The following TRAK1 variants were observed in gnomAD, a reference collection of about 807,000 sequenced individuals.
The protein encoded by TRAK1 is trafficking kinesin-binding protein 1.
Under a neutral mutation model 92.1 loss-of-function variants are expected in TRAK1, and 33 were observed. The observed-to-expected ratio is 0.36, with a 90% CI of 0.27 to 0.48. TRAK1 has a LOEUF of 0.48. Among genes scored for constraint, TRAK1 ranks in the 20% least tolerant of loss-of-function variants. The probability of loss-of-function intolerance (pLI) is 0.99; values close to 1 mark genes in which losing one functional copy is unlikely to be tolerated. For synonymous variants in TRAK1, 521 were observed against 517.3 expected (o/e 1.01, Z -0.10); for missense variants, 1,123 against 1,257.9 (o/e 0.89, Z 1.62).
rs544201268 is a variant in TRAK1 at position 42,078,008 on chromosome 3, C to G, written c.-518-9096C>G. 4.6e-5 allele frequency among the ~76,000 whole-genome samples: 7 copies of G among 152,330 alleles called. No homozygotes were observed. The South Asian group carries it at 1.4e-3, about 32-fold the overall frequency. On this transcript the variant is annotated intron_variant, in intron 1 of 16. Coordinates refer to the TRAK1 transcript ENST00000487159. ...GCAGTTTGACAAGTGGGTGGTGGCA[C>G]CACGTTTTGTAGACGAAAGAAATTT...
At chr3:42,064,098 A>G (rs1703570244) in intron 1 of TRAK1, among the ~76,000 whole-genome samples, 1 of 152,162 alleles carries the variant, frequency 6.6e-6, no homozygotes, top group Non-Finnish European at 1.5e-5. Context: ...CCCAGCCCTT[A>G]TTACTATCTG....
At chr3:42,026,104 C>G (rs1161021886) in intron 1 of TRAK1, among the ~76,000 whole-genome samples, 1 of 152,042 alleles carries the variant, frequency 6.6e-6, no homozygotes. Context: ...CCCTGTCTCT[C>G]CCTCCATCCC....
chr3:42,224,097 A>T lies in TRAK1; in HGVS notation c.*360A>T, dbSNP rs1407177149. On this transcript the variant is annotated 3_prime_UTR_variant, in exon 16 of 16. Coordinates refer to ENST00000327628, the MANE Select transcript of TRAK1 (RefSeq NM_001042646.3). ...TCCCAAGTGTGTTCTTATCCCATGGATAGGAAACCAGTGAATTCCGTGGCT... is the reference window on the plus strand; with the variant it reads ...TCCCAAGTGTGTTCTTATCCCATGGTTAGGAAACCAGTGAATTCCGTGGCT... 2.1e-6 allele frequency: 1 copy of T among 471,504 alleles called. No homozygotes were observed. Among genetic ancestry groups the T allele is most frequent in the Non-Finnish European group, 4.2e-6 (1 of 237,606 alleles). The allele number at this position is 471,504 out of a possible 1,614,324, so 29.2% of individuals were successfully genotyped here. A position where few individuals can be genotyped will look rare whatever the true frequency, so the allele number is the denominator to read the frequency against.
intron 1 of TRAK1, among the ~76,000 whole-genome samples, chr3:42,125,091 A>G (rs1251272330): frequency 1.3e-5 from 2 of 152,222 alleles, no homozygotes; most frequent in Non-Finnish European, 2.9e-5. Context: ...GCTGACATGT[A>G]GAACGCTTGA....
chr3:42,104,710 G>T (rs1423538465), intron 1 of TRAK1, among the ~76,000 whole-genome samples: 3 of 152,142 alleles, frequency 2.0e-5, no homozygotes, highest in African/African-American at 4.8e-5. Context: ...CATCATCAAA[G>T]ACCAAAGGTA....
At chr3:42,219,466 G>A (rs1437890571) in intron 14 of TRAK1, 28 bp from the exon 15 acceptor site, 4 of 1,613,852 alleles carry the variant, frequency 2.5e-6, no homozygotes, top group African/African-American at 2.7e-5. Flanking sequence ...TTGGATGCAA[G>A]GAATATGTTT....
At chr3:42,221,998 A>G (rs944539015) in intron 15 of TRAK1, 3 of 129,012 alleles carry the variant, frequency 2.3e-5, no homozygotes, top group Non-Finnish European at 5.4e-5. Context: ...AAGTAATTGC[A>G]ATTATAAAAA....
Position 42,224,885 on chromosome 3 carries a change from C to CA in TRAK1, c.*1149dup, listed in dbSNP as rs1385513782. The CA allele has an allele frequency of 6.6e-6, 1 of 152,196 alleles. No individual in the cohort carries two copies. The highest frequency in any genetic ancestry group is 2.1e-4 in the South Asian group (1 of 4,822). 9.4% of individuals were successfully genotyped at this position (152,196 alleles called of 1,614,324 possible). On this transcript the variant is annotated 3_prime_UTR_variant, in exon 16 of 16. Coordinates refer to ENST00000327628, the MANE Select transcript of TRAK1 (RefSeq NM_001042646.3). ...TCTTTGATTGCAGCCATTCAATGCCCACATGCTTTTCCTTCTTGTTTCAGA... is the reference window on the plus strand; with the variant it reads ...TCTTTGATTGCAGCCATTCAATGCCCAACATGCTTTTCCTTCTTGTTTCAGA...
intron 1 of TRAK1, among the ~76,000 whole-genome samples, chr3:42,020,656 T>A (rs1287613573): frequency 2.6e-5 from 4 of 152,208 alleles, no homozygotes; most frequent in Non-Finnish European, 4.4e-5. Context: ...CAGGAGTGGA[T>A]CATTGGGTCA....
At chr3:42,084,563 C>A (rs1297547581), upstream of TRAK1, among the ~76,000 whole-genome samples, 2 of 152,218 alleles carry the variant, frequency 1.3e-5, no homozygotes, top group Admixed American at 6.5e-5. Flanking sequence ...CCCCCTTGGG[C>A]CCCACTGGGG....
chr3:42,022,387 T>C (rs571626904), intron 1 of TRAK1, among the ~76,000 whole-genome samples: 1 of 152,220 alleles, frequency 6.6e-6, no homozygotes, highest in Non-Finnish European at 1.5e-5. Context: ...CTGCAGTAGA[T>C]GTTTTATACT....
intron 2 of TRAK1, among the ~76,000 whole-genome samples, chr3:42,169,501 A>G (rs1702279539): frequency 1.3e-5 from 2 of 152,088 alleles, no homozygotes; most frequent in Admixed American, 6.5e-5. Flanking sequence ...ACCTTAGGCA[A>G]TTCACCTGAC....
At chr3:42,173,879 A>G (rs1377630394) in intron 2 of TRAK1, among the ~76,000 whole-genome samples, 1 of 152,040 alleles carries the variant, frequency 6.6e-6, no homozygotes, top group Non-Finnish European at 1.5e-5. Flanking sequence ...GTTAGCTGCT[A>G]CCTCTACCGA....
At chr3:42,197,000 T>A (rs867737730) in intron 10 of TRAK1, among the ~76,000 whole-genome samples, 5,089 of 130,896 alleles carry the variant, frequency 0.039, 291 homozygotes, top group African/African-American at 0.14. Flanking sequence ...TCTCTCTCTC[T>A]CTCACACACA....
At position 42,163,745 on chromosome 3, in the gene TRAK1, G is replaced by A. The variant is rs1441173882; in HGVS notation, c.287-13069G>A. 2.6e-5 allele frequency among the ~76,000 whole-genome samples: 4 copies of A among 152,000 alleles called. No individual in the cohort carries two copies. In the East Asian group the frequency reaches 7.7e-4, roughly 29 times the overall value. ...ATAACAGTGTATCTGCCTTATAATC[G>A]GATTCAAGGGAAGAGATTTTGCCTT... On this transcript the variant is annotated intron_variant, in intron 2 of 15. Coordinates refer to ENST00000327628, the MANE Select transcript of TRAK1 (RefSeq NM_001042646.3).
chr3:42,131,769 A>T (rs572285992), intron 2 of TRAK1, among the ~76,000 whole-genome samples: 2 of 149,078 alleles, frequency 1.3e-5, no homozygotes, highest in African/African-American at 4.9e-5. Context: ...AAAAAAATAC[A>T]ATCCTTGGCC....
intron 1 of TRAK1, among the ~76,000 whole-genome samples, chr3:42,047,236 C>T (rs1338912457): frequency 6.9e-6 from 1 of 145,828 alleles, no homozygotes; most frequent in African/African-American, 2.6e-5. Context: ...AAATCTGTCG[C>T]CCAGGCTGGA....
chr3:42,047,922 CTTT>C (rs11422406), intron 1 of TRAK1, among the ~76,000 whole-genome samples: 3 of 129,198 alleles, frequency 2.3e-5, no homozygotes, highest in Non-Finnish European at 3.2e-5. Flanking sequence ...AGTTTCTTTT[CTTT>C]TTTTTTTTTT....
chr3:42,223,882 C>A lies in TRAK1; in HGVS notation c.*145C>A. 1 of 920,848 alleles carries A rather than the reference C, an allele frequency of 1.1e-6. No individual in the cohort carries two copies. The highest frequency in any genetic ancestry group is 1.6e-6 in the Non-Finnish European group (1 of 609,068). 57.0% of individuals were successfully genotyped at this position (920,848 alleles called of 1,614,324 possible). ...TAAGCTAGACAAATCAACCTCGTGC[C>A]TAATGGAGGAAGTGTGGAAACTTTG... On this transcript the variant is annotated 3_prime_UTR_variant, in exon 16 of 16. Transcript: ENST00000327628. This position sits in a 1 kb window ranked among gnomAD's most constrained non-coding sequence, Gnocchi z 6.1.
Sources: allele counts gnomAD v4.1 joint callset (sites outside exome capture counted in the v4.1 genomes callset), GRCh38; gene constraint gnomAD v4.1.1; non-coding constraint Gnocchi (gnomAD v3.1); transcripts MANE v1.5; gene names NCBI Gene and HGNC (gene_info 2026-07-23, HGNC 2026-07-21).